Variants in DNAH9 observed in about 807,000 individuals in gnomAD.
DNAH9 encodes DNAH9 variant protein.
DNAH9 carries 345 observed loss-of-function variants against 471.6 expected under a neutral mutation model. The observed-to-expected ratio is 0.73, with a 90% CI of 0.67 to 0.80. The LOEUF is 0.80. Among genes scored for constraint, DNAH9 ranks in the 30% least tolerant of loss-of-function variants. The pLI is 0.00. For synonymous variants in DNAH9, 2,093 were observed against 2,123.6 expected (o/e 0.99, Z 0.40); for missense variants, 5,407 against 5,609.2 (o/e 0.96, Z 1.15).
chr17:11,722,094 AAG>A (rs2075069749), intron 27 of DNAH9, among the ~76,000 whole-genome samples: 1 of 152,150 alleles, frequency 6.6e-6, no homozygotes, highest in Non-Finnish European at 1.5e-5. Flanking sequence ...AGAGGAGAAA[AAG>A]GGTGCGAGGT....
At chr17:11,897,529 T>G (rs1973258150) in intron 59 of DNAH9, among the ~76,000 whole-genome samples, 1 of 152,238 alleles carries the variant, frequency 6.6e-6, no homozygotes, top group African/African-American at 2.4e-5. Context: ...CAATAATTTC[T>G]TGTAGTCTGA....
chr17:11,874,008 G>A (rs979623912), intron 52 of DNAH9, among the ~76,000 whole-genome samples: 1 of 152,112 alleles, frequency 6.6e-6, no homozygotes, highest in East Asian at 1.9e-4. Flanking sequence ...ATTTTGGGAG[G>A]CCGAAGCAGG....
intron 50 of DNAH9, among the ~76,000 whole-genome samples, chr17:11,866,522 G>T (rs1452065561): frequency 2.6e-5 from 4 of 151,356 alleles, no homozygotes; most frequent in African/African-American, 2.4e-5. Flanking sequence ...CCAGCTGCAT[G>T]CTGGGAGAAC....
chr17:11,628,243 G>A (rs779073666), intron 6 of DNAH9, among the ~76,000 whole-genome samples: 8 of 152,182 alleles, frequency 5.3e-5, no homozygotes, highest in Non-Finnish European at 1.0e-4. Context: ...CCTGCTAGAC[G>A]TGCTCAGGAG....
intron 25 of DNAH9, among the ~76,000 whole-genome samples, chr17:11,704,740 C>T (rs2074669380): frequency 6.6e-6 from 1 of 152,232 alleles, no homozygotes. Context: ...TGTACCACCA[C>T]CCCCAGCTAA....
chr17:11,960,953 T>C (rs1976101583), intron 67 of DNAH9, among the ~76,000 whole-genome samples: 2 of 151,914 alleles, frequency 1.3e-5, no homozygotes, highest in African/African-American at 4.8e-5. Flanking sequence ...ACCACAACAA[T>C]AGAAATGGGG....
At chr17:11,951,146 T>C (rs189690091) in intron 67 of DNAH9, among the ~76,000 whole-genome samples, 3 of 152,366 alleles carry the variant, frequency 2.0e-5, no homozygotes, top group Non-Finnish European at 4.4e-5. Flanking sequence ...TTTTGCTGTA[T>C]TGTTTGTAAA....
chr17:11,800,334 G>C (rs923826008), intron 43 of DNAH9, among the ~76,000 whole-genome samples: 2 of 149,734 alleles, frequency 1.3e-5, no homozygotes, highest in African/African-American at 2.5e-5. Context: ...TCACCTTCTC[G>C]GTGACTTCAC....
intron 49 of DNAH9, among the ~76,000 whole-genome samples, chr17:11,841,730 A>G (rs1039974109): frequency 1.3e-5 from 2 of 152,050 alleles, no homozygotes; most frequent in Admixed American, 6.6e-5. Context: ...GCAAATTGTG[A>G]GGGAAGTATG....
In DNAH9 at chr17:11,689,920, G is replaced by A. The variant is rs144808055; in HGVS notation, c.4098G>A (p.Thr1366=). 3.3e-4 allele frequency: 531 copies of A among 1,609,522 alleles called. 2 individuals carry two copies. Among genetic ancestry groups the A allele is most frequent in the African/African-American group, 5.9e-4 (44 of 74,948 alleles). The change falls in exon 20 of 69, where the codon ACG becomes ACA. Residue 1366 remains threonine (T), a synonymous_variant. Coordinates refer to ENST00000262442, the MANE Select transcript of DNAH9 (RefSeq NM_001372.4). The stretch of plus-strand genomic sequence containing the variant: ...GCCTGGAAAGCACTGTGTGGAACAC[G>A]CTGAGCTCCCTGAGGGCAGTAGCTG... The part of the protein sequence containing the change: ...FTGLESTVWN[T]LSSLRAVAEL...
At chr17:11,784,648 C>A in intron 41 of DNAH9, 109 bp downstream of exon 41, 13 of 1,478,376 alleles carry the variant, frequency 8.8e-6, no homozygotes, top group Non-Finnish European at 1.2e-5. Flanking sequence ...CAGGCAAAGC[C>A]ACTGTTCATA....
intron 18 of DNAH9, 71 bp downstream of exon 18, chr17:11,680,050 T>TG (rs1429639050): frequency 3.2e-6 from 4 of 1,231,830 alleles, no homozygotes; most frequent in Non-Finnish European, 4.7e-6. Context: ...TGGGGTAAAG[T>TG]GGGGTACAGC....
intron 57 of DNAH9, among the ~76,000 whole-genome samples, chr17:11,887,879 G>A (rs554193510): frequency 1.3e-5 from 2 of 152,240 alleles, no homozygotes; most frequent in Admixed American, 6.5e-5. Context: ...TCCAGTTCCT[G>A]GGGCTCATTT....
In DNAH9 at chr17:11,734,389, C is replaced by T. The variant is rs149018891; in HGVS notation, c.5815-4491C>T. 3.9e-4 allele frequency among the ~76,000 whole-genome samples: 59 copies of T among 152,320 alleles called. No individual in the cohort carries two copies. In the South Asian group the frequency reaches 5.4e-3, roughly 14 times the overall value. Reference sequence around the variant, plus strand: ...CGAAAAGATGTTGATTTAATTCCTGCGGAATAGGACCAGTGTATCGGTACT... The same window carrying T: ...CGAAAAGATGTTGATTTAATTCCTGTGGAATAGGACCAGTGTATCGGTACT... On this transcript the variant is annotated intron_variant, in intron 28 of 68. Coordinates refer to ENST00000262442, the MANE Select transcript of DNAH9 (RefSeq NM_001372.4).
At chr17:11,881,697 G>A (rs907003629) in intron 55 of DNAH9, among the ~76,000 whole-genome samples, 4 of 151,882 alleles carry the variant, frequency 2.6e-5, no homozygotes, top group Non-Finnish European at 4.4e-5. Flanking sequence ...TCATGAGGTC[G>A]GTAGTTCGAG....
chr17:11,882,500 C>T (rs1458543648), intron 55 of DNAH9, among the ~76,000 whole-genome samples: 2 of 152,230 alleles, frequency 1.3e-5, no homozygotes, highest in African/African-American at 4.8e-5. Context: ...GAGTTCAGGG[C>T]TCCCTGGGAC....
At position 11,810,306 on chromosome 17, in the gene DNAH9, A is replaced by G; in HGVS notation, c.8644A>G (p.Met2882Val). The G allele has an allele frequency of 1.2e-6, 2 of 1,613,846 alleles. No homozygotes were observed. The highest frequency in any genetic ancestry group is 8.5e-7 in the Non-Finnish European group (1 of 1,179,860). ...GVKNLNTVFLMTDAQVADERF... is the reference protein window; with the variant it reads ...GVKNLNTVFLVTDAQVADERF... ...GAAGAATCTCAACACAGTGTTTCTC[A>G]TGACTGATGCCCAAGTGGCTGATGA... Residue 2882 changes from methionine (M) to valine (V), a missense_variant, in exon 45 of 69, where the codon ATG becomes GTG. Transcript: ENST00000262442.
In DNAH9 at chr17:11,929,638, C is replaced by T. The variant is rs184877284; in HGVS notation, c.11878-228C>T. ...ATGATGTGATTTAAGACACTTCTGC[C>T]ATTAAAAGTCATTGAGTTGCACAAC... On this transcript the variant is annotated intron_variant, in intron 62 of 68. Transcript: ENST00000262442. Among the ~76,000 whole-genome samples the T allele has an allele frequency of 3.2e-3, 489 of 152,292 alleles. 1 individual carries two copies. Among genetic ancestry groups the T allele is most frequent in the Non-Finnish European group, 5.4e-3 (369 of 68,036 alleles).
chr17:11,665,536 T>C (rs79715059), intron 15 of DNAH9, among the ~76,000 whole-genome samples: 3,633 of 152,198 alleles, frequency 0.024, 147 homozygotes, highest in African/African-American at 0.082. Flanking sequence ...TTGAAGCTTT[T>C]AAAAAACAAT....
Sources: gnomAD v4.1 joint callset for allele counts (sites outside exome capture counted in the v4.1 genomes callset) on GRCh38, gnomAD v4.1.1 for gene constraint, MANE v1.5 for transcripts, NCBI Gene and HGNC (gene_info 2026-07-23, HGNC 2026-07-21) for gene names.